The following WDR77 variants were observed in gnomAD, a reference collection of about 807,000 sequenced individuals.
WDR77 encodes methylosome protein WDR77.
WDR77 carries 31 observed loss-of-function variants against 44.0 expected under a neutral mutation model. The ratio of observed to expected loss-of-function variants is 0.70; its 90% CI spans 0.53 to 0.95. WDR77 has a LOEUF of 0.95. Among genes scored for constraint, WDR77 ranks in the 40% least tolerant of loss-of-function variants. The pLI, the probability that WDR77 is intolerant of heterozygous loss-of-function variation, is 0.00. For synonymous variants in WDR77, 186 were observed against 165.7 expected, an observed-to-expected ratio of 1.12 and a Z score of -0.94; for missense variants, 390 against 423.9, an observed-to-expected ratio of 0.92 and a Z score of 0.70.
Position 111,441,374 on chromosome 1 carries a change from G to C in WDR77, c.885C>G (p.Ala295=). The change falls in exon 10 of 10, where the codon GCC becomes GCG. Residue 295 remains alanine (A), a synonymous_variant. Coordinates refer to ENST00000235090, the MANE Select transcript of WDR77 (RefSeq NM_024102.4). ...TCGCATCTCTCACAAAGTCTCTGTG[G>C]GCTTGGCTTCTAAACCTAGAAGAAA... ...SSLSELFRSQ[A]HRDFVRDATW... is the part of the protein sequence containing the mutation. 6.5e-7 allele frequency: 1 copy of C among 1,537,148 alleles called. No individual in the cohort carries two copies. The highest frequency in any genetic ancestry group is 2.4e-5 in the East Asian group (1 of 41,670).
chr1:111,445,515 C>T (rs565972631), intron 4 of WDR77, among the ~76,000 whole-genome samples: 1 of 152,320 alleles, frequency 6.6e-6, no homozygotes, highest in East Asian at 1.9e-4. Flanking sequence ...TCTCTCAGCA[C>T]TTTGGGAGGC....
chr1:111,442,508 A>G, intron 8 of WDR77, 145 bp downstream of exon 8: 1 of 544,046 alleles, frequency 1.8e-6, no homozygotes, highest in South Asian at 3.6e-5. Context: ...TTCACACTTA[A>G]GAGATCTTCG....
chr1:111,441,753 C>T, intron 9 of WDR77: 2 of 632,940 alleles, frequency 3.2e-6, no homozygotes, highest in Non-Finnish European at 2.5e-6. Flanking sequence ...GGGTAGACTG[C>T]CGCCCCCTTG....
chr1:111,441,729 T>C (rs1186628371), intron 9 of WDR77: 5 of 665,624 alleles, frequency 7.5e-6, no homozygotes, highest in Admixed American at 3.8e-5. Context: ...TCATACGCAG[T>C]TCTTTATGTG....
At chr1:111,445,813 G>T (rs931981468) in intron 4 of WDR77, among the ~76,000 whole-genome samples, 1 of 152,072 alleles carries the variant, frequency 6.6e-6, no homozygotes, top group East Asian at 1.9e-4. Context: ...CTGTTGCCCA[G>T]GCTGGAGTGC....
In WDR77 at chr1:111,440,150, G is replaced by A. The variant is rs542142190; in HGVS notation, c.*1080C>T. Reference sequence around the variant, plus strand: ...AAATATTTACCTTAAGTTCTAACTAGCTACTTTGGGAAGCTGGGGAAGCAC... The same window carrying A: ...AAATATTTACCTTAAGTTCTAACTAACTACTTTGGGAAGCTGGGGAAGCAC... On this transcript the variant is annotated 3_prime_UTR_variant, in exon 10 of 10. Transcript: ENST00000235090. The A allele has an allele frequency of 6.6e-6, 1 of 152,344 alleles. No individual in the cohort carries two copies. Among genetic ancestry groups the A allele is most frequent in the South Asian group, 2.1e-4 (1 of 4,820 alleles). 9.4% of individuals were successfully genotyped at this position (152,344 alleles called of 1,614,324 possible).
intron 9 of WDR77, 194 bp from the exon 10 acceptor site, chr1:111,441,583 T>C: frequency 7.7e-7 from 1 of 1,294,512 alleles, no homozygotes; most frequent in East Asian, 2.9e-5. Context: ...TCCAGTCTTC[T>C]ATTTTCATAG....
rs148443286 is a variant in WDR77, at chr1:111,444,650, G to A, written c.494-526C>T. Among the ~76,000 whole-genome samples, 79 of 152,250 alleles carry A rather than the reference G, an allele frequency of 5.2e-4. 2 individuals carry two copies. In the East Asian group the frequency reaches 0.014, roughly 27 times the overall value. ...AGATCTTTCCACGCTACAATGCTCA[G>A]GGGTATAAAAATATAAGGGTTCTAA... On this transcript the variant is annotated intron_variant, in intron 4 of 9. Coordinates refer to ENST00000235090, the MANE Select transcript of WDR77 (RefSeq NM_024102.4).
At chr1:111,441,624 G>A in intron 9 of WDR77, 8 of 1,287,966 alleles carry the variant, frequency 6.2e-6, no homozygotes, top group Non-Finnish European at 6.9e-6. Context: ...ACAAGACAGT[G>A]ATGAGGGGCA....
chr1:111,441,670 C>T (rs1330048515), intron 9 of WDR77: 1 of 1,057,654 alleles, frequency 9.5e-7, no homozygotes, highest in Non-Finnish European at 1.2e-6. Flanking sequence ...GAGGGAAGTA[C>T]AATTCAGGTC....
chr1:111,442,277 A>G (rs758244744), intron 8 of WDR77, 184 bp from the exon 9 acceptor site: 11 of 634,956 alleles, frequency 1.7e-5, no homozygotes, highest in Non-Finnish European at 2.8e-5. Flanking sequence ...GAAATGAAGC[A>G]AAGTTAGGGT....
At chr1:111,446,099 T>C (rs1250766179) in intron 4 of WDR77, among the ~76,000 whole-genome samples, 1 of 152,208 alleles carries the variant, frequency 6.6e-6, no homozygotes, top group African/African-American at 2.4e-5. Context: ...GTAAAACTAT[T>C]TCCAAGTGAC....
chr1:111,446,789 A>T (rs953665741), intron 4 of WDR77: 3 of 268,648 alleles, frequency 1.1e-5, no homozygotes, highest in Non-Finnish European at 1.4e-5. Flanking sequence ...CAATAGAAAC[A>T]GGGAAACTGG....
intron 9 of WDR77, chr1:111,441,627 G>A: frequency 7.8e-7 from 1 of 1,283,210 alleles, no homozygotes; most frequent in Non-Finnish European, 9.9e-7. Flanking sequence ...AGACAGTGAT[G>A]AGGGGCAGTA....
At position 111,442,062 on chromosome 1, in the gene WDR77, A is replaced by G; in HGVS notation, c.832T>C (p.Cys278Arg). Residue 278 changes from cysteine to arginine, a missense_variant, in exon 9 of 10, where the codon TGC becomes CGC. Coordinates refer to ENST00000235090, the MANE Select transcript of WDR77 (RefSeq NM_024102.4). ...VPFLASLSED[C>R]SLAVLDSSLS... is the part of the protein sequence containing the mutation. ...CTTGAGTCCAGCACAGCAAGTGAGC[A>G]GTCTTCACTGAGAGAGGCCAGGAAG... 6.2e-7 allele frequency: 1 copy of G among 1,614,188 alleles called. No individual in the cohort carries two copies. The highest frequency in any genetic ancestry group is 8.5e-7 in the Non-Finnish European group (1 of 1,180,014).
intron 4 of WDR77, among the ~76,000 whole-genome samples, 197 bp from the exon 5 acceptor site, chr1:111,444,321 T>G (rs928803657): frequency 6.6e-6 from 1 of 151,568 alleles, no homozygotes; most frequent in African/African-American, 2.4e-5. Context: ...TAAAAAGCCT[T>G]GTAAAAAAAA....
rs748679198 is a variant in WDR77 at position 111,442,661 on chromosome 1, G to C, written c.792C>G (p.Ser264=). ...ATGACAAAGAACAGTACCTGTGTGG[G>C]GAGAACACCAGCCCAGTGACACACT... ...HSQCVTGLVF[S]PHSVPFLASL... The change falls in exon 8 of 10, where the codon TCC becomes TCG. Residue 264 remains serine (S), a synonymous_variant. Transcript: ENST00000235090. 1.3e-6 allele frequency: 2 copies of C among 1,573,426 alleles called. No homozygotes were observed. Among genetic ancestry groups the C allele is most frequent in the Admixed American group, 1.8e-5 (1 of 56,802 alleles).
chr1:111,449,155 G>C lies in WDR77; in HGVS notation c.15C>G (p.Thr5=). 1 of 1,585,530 alleles carries C rather than the reference G, an allele frequency of 6.3e-7. No homozygotes were observed. Among genetic ancestry groups the C allele is most frequent in the Middle Eastern group, 1.7e-4 (1 of 6,020 alleles). ...CCGCCGGGGGCACTAGGGGGGGTGG[G>C]GTTTCCTTCCGCATCTCCACGGTTC... MRKE[T]PPPLVPPAAR... Residue 5 remains threonine, a synonymous_variant, in exon 1 of 10, where the codon ACC becomes ACG. Transcript: ENST00000235090.
intron 2 of WDR77, 126 bp downstream of exon 2, chr1:111,448,493 C>T: frequency 8.9e-7 from 1 of 1,118,578 alleles, no homozygotes; most frequent in Non-Finnish European, 1.3e-6. Flanking sequence ...TCGGGGCCAA[C>T]ACTCTCAGGC....
Sources: allele counts gnomAD v4.1 joint callset (sites outside exome capture counted in the v4.1 genomes callset), GRCh38; gene constraint gnomAD v4.1.1; transcripts MANE v1.5; gene names NCBI Gene and HGNC (gene_info 2026-07-23, HGNC 2026-07-21).